The following SOD1 variants were observed in gnomAD, a reference collection of about 807,000 sequenced individuals.
SOD1 encodes superoxide dismutase [Cu-Zn].
A neutral mutation model predicts 15.9 loss-of-function variants in SOD1; 8 were observed. The observed-to-expected ratio is 0.50, with a 90% confidence interval of 0.30 to 0.91. SOD1 has a LOEUF of 0.91. Among genes scored for constraint, SOD1 ranks in the 40% least tolerant of loss-of-function variants. The pLI is 0.07. For missense variants in SOD1, 137 were observed against 194.5 expected, an observed-to-expected ratio of 0.70 and a Z score of 1.76; for synonymous variants, 86 against 71.2, an observed-to-expected ratio of 1.21 and a Z score of -1.04.
At chr21:31,661,862 A>C (rs186530743) in intron 1 of SOD1, 4 of 152,384 alleles carry the variant, frequency 2.6e-5, no homozygotes, top group African/African-American at 9.6e-5. Context: ...CCAGATATGC[A>C]GAGATAATAC....
chr21:31,662,755 C>T (rs1373699264), intron 1 of SOD1, among the ~76,000 whole-genome samples: 1 of 152,182 alleles, frequency 6.6e-6, no homozygotes, highest in African/African-American at 2.4e-5. Flanking sequence ...TGGCTTACGC[C>T]TGTAATCCCA....
intron 1 of SOD1, 91 bp from the exon 2 acceptor site, chr21:31,663,699 T>C: frequency 2.0e-6 from 2 of 1,017,656 alleles, no homozygotes; most frequent in Non-Finnish European, 1.5e-6. Flanking sequence ...CTCCCAAGTC[T>C]GGCTGCTTTT....
intron 1 of SOD1, 59 bp from the exon 2 acceptor site, chr21:31,663,730 AG>A: frequency 7.7e-7 from 1 of 1,301,930 alleles, no homozygotes. Context: ...TGAGGGGTAA[AG>A]GTAAATCAGC....
intron 2 of SOD1, among the ~76,000 whole-genome samples, chr21:31,665,662 A>T (rs1418844719): frequency 6.6e-6 from 1 of 152,164 alleles, no homozygotes; most frequent in Admixed American, 6.5e-5. Context: ...CACAGGATAC[A>T]GTTGGAATGC....
intron 1 of SOD1, among the ~76,000 whole-genome samples, chr21:31,662,508 C>T (rs2049556583): frequency 6.6e-6 from 1 of 152,146 alleles, no homozygotes; most frequent in African/African-American, 2.4e-5. Context: ...CTAGTTGTAA[C>T]TTCCTTGATT....
chr21:31,661,195 CTG>C (rs2049545669), intron 1 of SOD1, among the ~76,000 whole-genome samples: 2 of 152,298 alleles, frequency 1.3e-5, no homozygotes, highest in Admixed American at 1.3e-4. Context: ...AACAGTTAGT[CTG>C]TGTAAATGTC....
At chr21:31,667,492 A>G in intron 4 of SOD1, 117 bp downstream of exon 4, 1 of 822,174 alleles carries the variant, frequency 1.2e-6, no homozygotes, top group South Asian at 1.3e-5. Context: ...CTTGCAGTTC[A>G]AATTAGGAAA....
At chr21:31,666,248 C>A (rs1437305943) in intron 2 of SOD1, among the ~76,000 whole-genome samples, 1 of 152,026 alleles carries the variant, frequency 6.6e-6, no homozygotes, top group African/African-American at 2.4e-5. Context: ...TGCTGGGGTT[C>A]CAGGTGTTAG....
intron 1 of SOD1, chr21:31,661,700 C>T (rs1024076847): frequency 4.6e-5 from 7 of 152,304 alleles, no homozygotes; most frequent in African/African-American, 1.7e-4. Flanking sequence ...GGAATCCCTT[C>T]TCCCTGGCCA....
At position 31,663,682 on chromosome 21, in the gene SOD1, T is replaced by A. The variant is rs16988404; in HGVS notation, c.73-108T>A. 32,555 of 859,572 alleles carry A rather than the reference T, an allele frequency of 0.038. 846 individuals are homozygous for A. The highest frequency in any genetic ancestry group is 0.046 in the Non-Finnish European group (23,610 of 518,534). The allele number at this position is 859,572 out of a possible 1,614,324, so 53.2% of individuals were successfully genotyped here. On this transcript the variant is annotated intron_variant, in intron 1 of 4. Transcript: ENST00000270142. ...GTCAGCCTGGGATTTGGACACAGAT[T>A]TTTCCACTCCCAAGTCTGGCTGCTT...
rs774127429 is a variant in SOD1, at chr21:31,666,390, G to T, written c.170-59G>T. 4 of 1,310,822 alleles carry T rather than the reference G, an allele frequency of 3.1e-6. No homozygotes were observed. The Admixed American group carries it at 7.2e-5, about 24-fold the overall frequency. The allele number at this position is 1,310,822 out of a possible 1,614,324, so 81.2% of individuals were successfully genotyped here. ...GAAGTTTTAGCAGTGTTTCTTTTTA[G>T]AATGTATTTGGGAACTTTAATTCAT... is the stretch of plus-strand genomic sequence containing the variant. On this transcript the variant is annotated intron_variant, in intron 2 of 4. Coordinates refer to ENST00000270142, the MANE Select transcript of SOD1 (RefSeq NM_000454.5).
chr21:31,659,875 CG>C, intron 1 of SOD1, 34 bp downstream of exon 1: 4 of 1,592,800 alleles, frequency 2.5e-6, no homozygotes, highest in Non-Finnish European at 3.4e-6. Flanking sequence ...TTTGCGAGGC[CG>C]CTCCCACCCG....
chr21:31,662,808 A>G (rs891562942), intron 1 of SOD1, among the ~76,000 whole-genome samples: 1 of 152,174 alleles, frequency 6.6e-6, no homozygotes, highest in Non-Finnish European at 1.5e-5. Flanking sequence ...AGGTCAGCAG[A>G]TGGAGACCAT....
intron 2 of SOD1, chr21:31,664,171 T>G: frequency 7.8e-6 from 3 of 382,356 alleles, no homozygotes; most frequent in Non-Finnish European, 1.5e-5. Context: ...TGGGGTTTCA[T>G]CATGTTGCCC....
At chr21:31,664,060 T>G (rs2049572268) in intron 2 of SOD1, among the ~76,000 whole-genome samples, 174 bp downstream of exon 2, 2 of 152,124 alleles carry the variant, frequency 1.3e-5, no homozygotes, top group African/African-American at 4.8e-5. Flanking sequence ...GACCTTAGCC[T>G]TGACCTCCCA....
At position 31,663,865 on chromosome 21, in the gene SOD1, G is replaced by T; in HGVS notation, c.148G>T (p.Glu50Ter). The T allele has an allele frequency of 6.2e-7, 1 of 1,613,372 alleles. No homozygotes were observed. Among genetic ancestry groups the T allele is most frequent in the South Asian group, 1.1e-5 (1 of 91,058 alleles). The change falls in exon 2 of 5, where the codon GAG (glutamate) becomes TAG (stop). Residue 50 changes from glutamate (E) to a stop codon, truncating the protein, a stop_gained. Transcript: ENST00000270142. LOFTEE classifies it high-confidence loss of function. ...AGGCCTGCATGGATTCCATGTTCAT[G>T]AGTTTGGAGATAATACAGCAGGTGG... ...TEGLHGFHVH[E>*]FGDNTAGCTS...
At chr21:31,666,312 C>A (rs1601157606) in intron 2 of SOD1, 137 bp from the exon 3 acceptor site, 1 of 693,712 alleles carries the variant, frequency 1.4e-6, no homozygotes, top group East Asian at 2.8e-5. Context: ...GTGGCTGTAC[C>A]AAGGTGTTGC....
intron 4 of SOD1, 92 bp downstream of exon 4, chr21:31,667,467 TC>T (rs2049606034): frequency 9.3e-6 from 9 of 964,950 alleles, no homozygotes; most frequent in Non-Finnish European, 1.5e-5. Context: ...TTTCTAAAGA[TC>T]CAGATAAACT....
intron 2 of SOD1, chr21:31,664,277 C>T (rs898064965): frequency 2.6e-5 from 7 of 270,300 alleles, no homozygotes; most frequent in Non-Finnish European, 5.2e-5. Flanking sequence ...CTGGGAAAAC[C>T]CTCAACTTTT....
Sources: allele counts gnomAD v4.1 joint callset (sites outside exome capture counted in the v4.1 genomes callset), GRCh38; gene constraint gnomAD v4.1.1; transcripts MANE v1.5; gene names NCBI Gene and HGNC (gene_info 2026-07-23, HGNC 2026-07-21).